SLIT3: variants seen among roughly 807,000 people sequenced by gnomAD.
SLIT3 encodes the protein slit homolog 3 protein.
SLIT3 carries 68 observed loss-of-function variants against 184.0 expected under a neutral mutation model. That is an observed-to-expected ratio of 0.37 (90% CI 0.30 to 0.45). The LOEUF is 0.45. Ranked by LOEUF, SLIT3 falls within the 20% of genes least tolerant of loss-of-function variation. The probability of loss-of-function intolerance (pLI) is 1.00; values close to 1 mark genes in which losing one functional copy is unlikely to be tolerated. For missense variants in SLIT3, 1,707 were observed against 2,026.0 expected (o/e 0.84, Z 3.02); for synonymous variants, 831 against 828.6 (o/e 1.00, Z -0.05).
chr5:168,706,108 C>T (rs1387343223), intron 26 of SLIT3, among the ~76,000 whole-genome samples: 1 of 152,178 alleles, frequency 6.6e-6, no homozygotes, highest in Non-Finnish European at 1.5e-5. Context: ...CTGGATCAAA[C>T]TAGCAACATA....
Position 168,718,677 on chromosome 5 carries a change from TACACACACAC to T in SLIT3, c.2483+3569_2483+3578del, listed in dbSNP as rs1163238928. Among the ~76,000 whole-genome samples, 521 of 108,678 alleles carry T rather than the reference TACACACACAC, an allele frequency of 4.8e-3. 3 individuals carry two copies. Among genetic ancestry groups the T allele is most frequent in the East Asian group, 0.015 (54 of 3,510 alleles). The allele number at this position is 108,678 out of a possible 152,430, so 71.3% of individuals were successfully genotyped here. Reference sequence around the variant, plus strand: ...CCTGAAATGTATTCATATCCACCCATACACACACACACACACACACACACACACACACACA... The same window carrying T: ...CCTGAAATGTATTCATATCCACCCATACACACACACACACACACACACACA... On this transcript the variant is annotated intron_variant, in intron 23 of 35. Coordinates refer to ENST00000519560, the MANE Select transcript of SLIT3 (RefSeq NM_003062.4).
intron 3 of SLIT3, among the ~76,000 whole-genome samples, chr5:169,227,053 C>T (rs951794370): frequency 7.9e-5 from 12 of 152,104 alleles, no homozygotes; most frequent in South Asian, 4.1e-4. Context: ...TGGAAAAGGG[C>T]GGGTTCCAGG....
At chr5:168,714,032 C>T (rs374250614) in intron 23 of SLIT3, among the ~76,000 whole-genome samples, 9 of 152,352 alleles carry the variant, frequency 5.9e-5, no homozygotes, top group African/African-American at 1.9e-4. Flanking sequence ...TCTCCTCCCA[C>T]CTCACAGTTC....
At chr5:168,790,701 G>A (rs1299915020) in intron 10 of SLIT3, 1 of 152,212 alleles carries the variant, frequency 6.6e-6, no homozygotes, top group Non-Finnish European at 1.5e-5. Context: ...GATCTTGGAA[G>A]GTCAACAAGG....
chr5:168,673,133 G>T, intron 33 of SLIT3, 44 bp downstream of exon 33: 1 of 1,600,922 alleles, frequency 6.2e-7, no homozygotes, highest in Non-Finnish European at 8.5e-7. Context: ...CTGGAGCACA[G>T]AGGGCCAGAG....
At chr5:168,850,196 C>T (rs1758620641) in intron 5 of SLIT3, among the ~76,000 whole-genome samples, 1 of 152,160 alleles carries the variant, frequency 6.6e-6, no homozygotes, top group South Asian at 2.1e-4. Context: ...TGATCTAAGC[C>T]ACAATCTGCT....
chr5:169,013,338 A>G (rs1190505401), intron 4 of SLIT3: 2 of 152,182 alleles, frequency 1.3e-5, no homozygotes, highest in Non-Finnish European at 2.9e-5. Context: ...AGCCTGGCCA[A>G]CTCAAGCTCC....
At chr5:168,714,607 GC>G (rs1029444163) in intron 23 of SLIT3, among the ~76,000 whole-genome samples, 1 of 152,086 alleles carries the variant, frequency 6.6e-6, no homozygotes, top group African/African-American at 2.4e-5. Context: ...AAAAAACCCT[GC>G]AGAGTAACAG....
chr5:168,866,204 A>C (rs1759295090), intron 5 of SLIT3, among the ~76,000 whole-genome samples: 1 of 152,222 alleles, frequency 6.6e-6, no homozygotes, highest in South Asian at 2.1e-4. Context: ...AAGCCGGGCC[A>C]GACTCCATCC....
At chr5:169,213,964 G>A (rs1764352988) in intron 3 of SLIT3, among the ~76,000 whole-genome samples, 1 of 152,186 alleles carries the variant, frequency 6.6e-6, no homozygotes, top group Non-Finnish European at 1.5e-5. Flanking sequence ...TACCAAGATG[G>A]CAAGTAATAG....
intron 4 of SLIT3, among the ~76,000 whole-genome samples, chr5:169,131,924 C>T (rs1358728094): frequency 1.3e-5 from 2 of 152,180 alleles, no homozygotes; most frequent in South Asian, 2.1e-4. Context: ...ACAAGTATCA[C>T]TTTTGTGTAG....
At chr5:168,920,516 C>T (rs913241625) in intron 4 of SLIT3, among the ~76,000 whole-genome samples, 5 of 152,240 alleles carry the variant, frequency 3.3e-5, no homozygotes, top group Admixed American at 2.6e-4. Flanking sequence ...ACCATCACGG[C>T]GGCACGGAAG....
At chr5:168,884,549 G>GATACATATATAT (rs1554153412) in intron 4 of SLIT3, among the ~76,000 whole-genome samples, 1 of 41,138 alleles carries the variant, frequency 2.4e-5, no homozygotes, top group East Asian at 9.1e-4. Context: ...CCAATTACGA[G>GATACATATATAT]ATATATATAT....
intron 7 of SLIT3, among the ~76,000 whole-genome samples, chr5:168,818,776 G>GCCAAGT (rs1226332914): frequency 1.3e-5 from 2 of 152,190 alleles, no homozygotes; most frequent in African/African-American, 4.8e-5. Flanking sequence ...CCAAACACTG[G>GCCAAGT]CCAAGTGCAG....
At chr5:168,828,573 T>A (rs1056332597) in intron 6 of SLIT3, among the ~76,000 whole-genome samples, 21 of 149,470 alleles carry the variant, frequency 1.4e-4, no homozygotes, top group Non-Finnish European at 3.1e-4. Context: ...GGTGGGAGGA[T>A]CACTTGAGCC....
At chr5:168,938,568 A>G (rs144574377) in intron 4 of SLIT3, among the ~76,000 whole-genome samples, 184 of 152,316 alleles carry the variant, frequency 1.2e-3, no homozygotes, top group African/African-American at 4.2e-3. Flanking sequence ...CAGGGTATTT[A>G]GATACAGTGA....
rs1379425629 is a variant in SLIT3 at position 168,799,693 on chromosome 5, G to C, written c.936-4115C>G. Among the ~76,000 whole-genome samples, 129 of 152,298 alleles carry C rather than the reference G, an allele frequency of 8.5e-4. 2 individuals carry two copies. The highest frequency in any genetic ancestry group is 3.0e-3 in the African/African-American group (125 of 41,556). ...CCTGGAGTGTGTGGAAACATTGGTGGTGGTGGTGGTGGTGATAATATGAAC... is the reference window on the plus strand; with the variant it reads ...CCTGGAGTGTGTGGAAACATTGGTGCTGGTGGTGGTGGTGATAATATGAAC... On this transcript the variant is annotated intron_variant, in intron 9 of 35. Coordinates refer to ENST00000519560, the MANE Select transcript of SLIT3 (RefSeq NM_003062.4).
intron 3 of SLIT3, among the ~76,000 whole-genome samples, chr5:169,219,214 C>T (rs1324610986): frequency 2.0e-5 from 3 of 152,116 alleles, no homozygotes; most frequent in Non-Finnish European, 4.4e-5. Context: ...GACGACTGTC[C>T]CACCTCCAGC....
At chr5:168,961,976 G>T (rs1020757883) in intron 4 of SLIT3, among the ~76,000 whole-genome samples, 1 of 152,100 alleles carries the variant, frequency 6.6e-6, no homozygotes, top group Non-Finnish European at 1.5e-5. Flanking sequence ...AGGTCAGGGT[G>T]TTGTGACTGA....
Sources: gnomAD v4.1 joint callset for allele counts (sites outside exome capture counted in the v4.1 genomes callset) on GRCh38, gnomAD v4.1.1 for gene constraint, MANE v1.5 for transcripts, NCBI Gene and HGNC (gene_info 2026-07-23, HGNC 2026-07-21) for gene names.